BSND: variants seen among roughly 807,000 people sequenced by gnomAD.
BSND encodes the protein barttin CLCNK type accessory subunit beta, also known as barttin.
Under a neutral mutation model 18.8 loss-of-function variants are expected in BSND, and 13 were observed. The observed-to-expected ratio is 0.69, with a 90% CI of 0.45 to 1.10. The LOEUF is 1.10. Ranked by LOEUF, BSND falls within the 50% of genes least tolerant of loss-of-function variation. BSND has a pLI of 0.00. For synonymous variants in BSND, 170 were observed against 161.8 expected (o/e 1.05, Z -0.39); for missense variants, 379 against 416.7 (o/e 0.91, Z 0.79).
Position 54,999,280 on chromosome 1 carries a change from C to T in BSND, c.94C>T (p.Gln32Ter), listed in dbSNP as rs1644348992. The T allele has an allele frequency of 6.2e-7, 1 of 1,614,040 alleles. No individual in the cohort carries two copies. The highest frequency in any genetic ancestry group is 1.1e-5 in the South Asian group (1 of 91,096). Residue 32 changes from glutamine to a stop codon, truncating the protein, a stop_gained, in exon 1 of 4, where the codon CAG becomes TAG. Transcript: ENST00000651561. LOFTEE classifies it high-confidence loss of function. The stretch of plus-strand genomic sequence containing the variant: ...GTTCCTCATGAGCCATGATCGGCCC[C>T]AGGTCTACGGCACCTTCTATGCCAT... ...GTFLMSHDRPQVYGTFYAMGS... is the reference protein window; with the variant it reads ...GTFLMSHDRP
rs886046424 is a variant in BSND at position 55,008,361 on chromosome 1, G to T, written c.696G>T (p.Arg232Ser). ...CSPQQEPQGC[R>S]CPLDRFQDFA... Reference sequence around the variant, plus strand: ...CACAACAGGAACCTCAGGGCTGCAGGTGCCCGCTGGACCGCTTCCAAGACT... The same window carrying T: ...CACAACAGGAACCTCAGGGCTGCAGTTGCCCGCTGGACCGCTTCCAAGACT... The change falls in exon 4 of 4, where the codon AGG (arginine) becomes AGT (serine). Residue 232 changes from arginine to serine, a missense_variant. Arg to Ser is a moderately radical substitution (Grantham distance 110). Transcript: ENST00000651561. 1.9e-6 allele frequency: 3 copies of T among 1,614,238 alleles called. No individual in the cohort carries two copies. Among genetic ancestry groups the T allele is most frequent in the Admixed American group, 1.7e-5 (1 of 60,032 alleles).
intron 2 of BSND, 152 bp from the exon 3 acceptor site, chr1:55,006,845 C>T: frequency 8.9e-7 from 1 of 1,118,818 alleles, no homozygotes; most frequent in East Asian, 2.6e-5. Context: ...GGGCCTCAGC[C>T]TCCTCATCCC....
chr1:54,999,808 A>C (rs1053997681), intron 1 of BSND, among the ~76,000 whole-genome samples: 6 of 152,172 alleles, frequency 3.9e-5, no homozygotes, highest in Non-Finnish European at 5.9e-5. Flanking sequence ...CTAACGAGCA[A>C]GGTTTGGAGC....
chr1:55,006,873 C>T, intron 2 of BSND, 124 bp from the exon 3 acceptor site: 2 of 1,416,928 alleles, frequency 1.4e-6, no homozygotes, highest in Non-Finnish European at 2.0e-6. Context: ...GGCGCAGTAA[C>T]ATCCCCCAAA....
In BSND at chr1:54,999,429, G is replaced by A. The variant is rs150595407; in HGVS notation, c.177+66G>A. ...GCCAGGAGGGCTGGACACTGTGCCT[G>A]TATGCCATGCCTCACCCCCTATCCT... On this transcript the variant is annotated intron_variant, in intron 1 of 3. Transcript: ENST00000651561. 3.3e-3 allele frequency: 5,000 copies of A among 1,508,646 alleles called. 41 individuals carry two copies. The highest frequency in any genetic ancestry group is 0.032 in the Middle Eastern group (144 of 4,476). 93.5% of individuals were successfully genotyped at this position (1,508,646 alleles called of 1,614,324 possible).
At chr1:55,007,306 C>T in intron 3 of BSND, 34 bp downstream of exon 3, 3 of 1,566,220 alleles carry the variant, frequency 1.9e-6, no homozygotes, top group Non-Finnish European at 2.6e-6. Context: ...GGGGCTTCTG[C>T]CCAGTTCAAG....
intron 1 of BSND, among the ~76,000 whole-genome samples, chr1:55,002,572 A>T (rs58918015): frequency 0.34 from 51,663 of 152,000 alleles, 10,386 homozygotes; most frequent in African/African-American, 0.56. Flanking sequence ...TCCCCATTGC[A>T]TCTGGAGAAA....
chr1:55,012,020 C>T lies in BSND; in HGVS notation c.*3392C>T, dbSNP rs1043738655. On this transcript the variant is annotated 3_prime_UTR_variant, in exon 4 of 4. Coordinates refer to ENST00000651561, the MANE Select transcript of BSND (RefSeq NM_057176.3). Reference sequence around the variant, plus strand: ...GTGAAAATTCCTGCTCTTGGTCACTCTCCTGTCAGGTTGGAGGGACTCTGG... The same window carrying T: ...GTGAAAATTCCTGCTCTTGGTCACTTTCCTGTCAGGTTGGAGGGACTCTGG... 6.6e-6 allele frequency among the ~76,000 whole-genome samples: 1 copy of T among 152,180 alleles called. No homozygotes were observed. The highest frequency in any genetic ancestry group is 2.4e-5 in the African/African-American group (1 of 41,432).
At chr1:55,004,516 T>G (rs1313475246) in intron 1 of BSND, among the ~76,000 whole-genome samples, 1 of 152,208 alleles carries the variant, frequency 6.6e-6, no homozygotes, top group Non-Finnish European at 1.5e-5. Context: ...GGGCTGGACT[T>G]GCAGAGACCT....
rs1025159598 is a variant in BSND, at chr1:55,012,277, G to C, written c.*3649G>C. On this transcript the variant is annotated 3_prime_UTR_variant, in exon 4 of 4. Transcript: ENST00000651561. ...TGCTCCCAGTCCCTGAGCACTGTGT[G>C]CCTGTCACCATGCAAGACACCGTCA... Among the ~76,000 whole-genome samples the C allele has an allele frequency of 6.6e-6, 1 of 152,182 alleles. No individual in the cohort carries two copies. Among genetic ancestry groups the C allele is most frequent in the African/African-American group, 2.4e-5 (1 of 41,446 alleles).
At position 55,006,984 on chromosome 1, in the gene BSND, T is replaced by C. The variant is rs1361244019; in HGVS notation, c.273-13T>C. The C allele has an allele frequency of 3.1e-6, 5 of 1,613,776 alleles. No homozygotes were observed. Among genetic ancestry groups the C allele is most frequent in the African/African-American group, 1.3e-5 (1 of 75,012 alleles). On this transcript the variant is annotated splice_polypyrimidine_tract_variant and intron_variant, in intron 2 of 3. Transcript: ENST00000651561. The stretch of plus-strand genomic sequence containing the variant: ...GACTCTTTGCCGCCTGCCTGTTCTC[T>C]CTCCCACTCCAGCCCCAGTCCCCAG...
chr1:55,014,929 G>A lies in BSND; in HGVS notation c.*6301G>A, dbSNP rs1180892708. On this transcript the variant is annotated 3_prime_UTR_variant, in exon 4 of 4. Transcript: ENST00000651561. ...TATCTCAGGCAGAGGGCATGGCATA[G>A]GCAAAGCCTTGGGGGAAGGAAGGAG... 6.6e-6 allele frequency among the ~76,000 whole-genome samples: 1 copy of A among 152,186 alleles called. No individual in the cohort carries two copies. Among genetic ancestry groups the A allele is most frequent in the African/African-American group, 2.4e-5 (1 of 41,444 alleles).
Position 55,008,717 on chromosome 1 carries a change from G to T in BSND, c.*89G>T, listed in dbSNP as rs113035021. 1,043 of 1,579,490 alleles carry T rather than the reference G, an allele frequency of 6.6e-4. 8 individuals carry two copies. In the African/African-American group the frequency reaches 0.012, roughly 19 times the overall value. On this transcript the variant is annotated 3_prime_UTR_variant, in exon 4 of 4. Transcript: ENST00000651561. ...CCTCAGTTTCCCTATCTGCAAAATGGGATGATATGGAGGTTCAATGAGATG... is the reference window on the plus strand; with the variant it reads ...CCTCAGTTTCCCTATCTGCAAAATGTGATGATATGGAGGTTCAATGAGATG...
At chr1:55,005,755 G>T (rs899570960) in intron 2 of BSND, among the ~76,000 whole-genome samples, 1 of 152,220 alleles carries the variant, frequency 6.6e-6, no homozygotes, top group African/African-American at 2.4e-5. Flanking sequence ...TAGAAACCCT[G>T]TAAGGTGGGG....
rs1467544207 is a variant in BSND, at chr1:55,015,478, G to T, written c.*6850G>T. 6.6e-6 allele frequency among the ~76,000 whole-genome samples: 1 copy of T among 152,184 alleles called. No homozygotes were observed. Among genetic ancestry groups the T allele is most frequent in the African/African-American group, 2.4e-5 (1 of 41,434 alleles). On this transcript the variant is annotated 3_prime_UTR_variant, in exon 4 of 4. Coordinates refer to ENST00000651561, the MANE Select transcript of BSND (RefSeq NM_057176.3). ...TCAGGAAGTCCCCAGGTCAGAAAAT[G>T]GGCCCCACTGGTGATTCTGCAGATA...
In BSND at chr1:55,015,975, C is replaced by T. The variant is rs1308979838; in HGVS notation, c.*7347C>T. Reference sequence around the variant, plus strand: ...CCACCCCACCACGTTCCAGGATTGACCTGGGGTAGGTGTGAACTGAGCTTA... The same window carrying T: ...CCACCCCACCACGTTCCAGGATTGATCTGGGGTAGGTGTGAACTGAGCTTA... On this transcript the variant is annotated 3_prime_UTR_variant, in exon 4 of 4. Transcript: ENST00000651561. Among the ~76,000 whole-genome samples the T allele has an allele frequency of 2.0e-5, 3 of 152,180 alleles. No individual in the cohort carries two copies. Among genetic ancestry groups the T allele is most frequent in the African/African-American group, 4.8e-5 (2 of 41,436 alleles).
chr1:54,999,136 C>T lies in BSND; in HGVS notation c.-51C>T, dbSNP rs1384920695. 3.7e-6 allele frequency: 6 copies of T among 1,606,066 alleles called. No individual in the cohort carries two copies. The highest frequency in any genetic ancestry group is 4.3e-6 in the Non-Finnish European group (5 of 1,175,854). ...CTGTCTCGGTGTTTAGGCTGAACTA[C>T]AGCCACCCCCTCTCCCGGGGGTGTG... On this transcript the variant is annotated 5_prime_UTR_variant, in exon 1 of 4. Transcript: ENST00000651561.
rs981828395 is a variant in BSND, at chr1:55,013,080, C to T, written c.*4452C>T. The stretch of plus-strand genomic sequence containing the variant: ...GTCCACGTCATAAGACTCAACAATG[C>T]ACCTGTTGTGCTGTGCACACTTTTC... On this transcript the variant is annotated 3_prime_UTR_variant, in exon 4 of 4. Coordinates refer to ENST00000651561, the MANE Select transcript of BSND (RefSeq NM_057176.3). Among the ~76,000 whole-genome samples, 2 of 152,188 alleles carry T rather than the reference C, an allele frequency of 1.3e-5. No individual in the cohort carries two copies. Among genetic ancestry groups the T allele is most frequent in the African/African-American group, 4.8e-5 (2 of 41,438 alleles).
intron 3 of BSND, 63 bp downstream of exon 3, chr1:55,007,335 T>A: frequency 3.6e-6 from 1 of 276,072 alleles, no homozygotes; most frequent in South Asian, 3.3e-5. Flanking sequence ...AGGAGAGGAG[T>A]GGGGGACCGC....
Sources: gnomAD v4.1 joint callset for allele counts (sites outside exome capture counted in the v4.1 genomes callset) on GRCh38, gnomAD v4.1.1 for gene constraint, MANE v1.5 for transcripts, NCBI Gene and HGNC (gene_info 2026-07-23, HGNC 2026-07-21) for gene names.